The following NRK variants were observed in gnomAD, a reference collection of about 807,000 sequenced individuals.
NRK encodes nik-related protein kinase.
A neutral mutation model predicts 125.2 loss-of-function variants in NRK; 67 were observed. That is an observed-to-expected ratio of 0.54 (90% confidence interval 0.44 to 0.66). The LOEUF (loss-of-function observed/expected upper bound fraction) is 0.66. Ranked by LOEUF, NRK falls within the 30% of genes least tolerant of loss-of-function variation. The probability of loss-of-function intolerance (pLI) is 0.00; values close to 1 mark genes in which losing one functional copy is unlikely to be tolerated. For synonymous variants in NRK, 458 were observed against 429.0 expected (o/e 1.07, Z -0.84); for missense variants, 1,224 against 1,192.9 (o/e 1.03, Z -0.38).
intron 2 of NRK, among the ~76,000 whole-genome samples, chrX:105,836,593 A>G (rs1442391186): frequency 1.8e-5 from 2 of 112,205 alleles, no homozygotes; most frequent in Non-Finnish European, 3.8e-5. Flanking sequence ...ATAAACACTT[A>G]AAAATGTTTA....
chrX:105,875,302 TG>T (rs1420982519), intron 2 of NRK, among the ~76,000 whole-genome samples: 2 of 111,557 alleles, frequency 1.8e-5, no homozygotes, highest in Non-Finnish European at 3.8e-5. Flanking sequence ...ATGGTTTCCC[TG>T]CTCTCCATTC....
intron 19 of NRK, among the ~76,000 whole-genome samples, chrX:105,928,266 A>G (rs1248320426): frequency 1.8e-5 from 2 of 110,770 alleles, no homozygotes; most frequent in Non-Finnish European, 3.8e-5. Context: ...AGATTTTCTA[A>G]TATGTTGCTG....
Position 105,935,339 on chromosome X carries a change from G to C in NRK, c.3655+14G>C, listed in dbSNP as rs772253886. On this transcript the variant is annotated intron_variant, in intron 21 of 28. Transcript: ENST00000243300. Reference sequence around the variant, plus strand: ...GTTCTTTGTGGGGTGAGTTTGTTTTGTTTTCTTAAAGAATATATTTTTATG... The same window carrying C: ...GTTCTTTGTGGGGTGAGTTTGTTTTCTTTTCTTAAAGAATATATTTTTATG... 1.7e-5 allele frequency: 19 copies of C among 1,127,970 alleles called. No homozygotes were observed. The highest frequency in any genetic ancestry group is 7.5e-5 in the Admixed American group (3 of 40,090). 93.0% of individuals were successfully genotyped at this position (1,127,970 alleles called of 1,213,427 possible). A position where few individuals can be genotyped will look rare whatever the true frequency, so the allele number is the denominator to read the frequency against.
intron 13 of NRK, among the ~76,000 whole-genome samples, chrX:105,910,141 C>T (rs2040280182): frequency 9.0e-6 from 1 of 111,521 alleles, no homozygotes; most frequent in African/African-American, 3.3e-5. Flanking sequence ...ATTCTTTAAC[C>T]AATAAAGTGT....
chrX:105,830,944 G>A lies in NRK; in HGVS notation c.58-110G>A, dbSNP rs886875294. The A allele has an allele frequency of 4.6e-5, 22 of 482,564 alleles. 1 individual carries two copies. Among genetic ancestry groups the A allele is most frequent in the Non-Finnish European group, 4.9e-5 (14 of 287,368 alleles). 39.8% of individuals were successfully genotyped at this position (482,564 alleles called of 1,213,427 possible). A position where few individuals can be genotyped will look rare whatever the true frequency, so the allele number is the denominator to read the frequency against. On this transcript the variant is annotated intron_variant, in intron 1 of 28. Transcript: ENST00000243300. ...GTATACATATGTAACAAATCTGCAC[G>A]TTGTGCACATGTACCCTAGAACTTA...
chrX:105,840,891 A>C (rs1357647717), intron 2 of NRK, among the ~76,000 whole-genome samples: 4 of 109,832 alleles, frequency 3.6e-5, no homozygotes, highest in Non-Finnish European at 7.6e-5. Context: ...AGAGTTATAT[A>C]ATTATGGTCA....
chrX:105,880,811 G>A (rs1443665173), intron 3 of NRK, among the ~76,000 whole-genome samples: 16 of 111,450 alleles, frequency 1.4e-4, no homozygotes, highest in Admixed American at 1.2e-3. Context: ...ATAACATATT[G>A]GCATAGAATT....
intron 6 of NRK, chrX:105,895,136 C>T (rs1161248213): frequency 1.1e-5 from 5 of 464,853 alleles, no homozygotes; most frequent in East Asian, 7.4e-5. Context: ...GTTGGAAATA[C>T]GGAGGCTAAA....
intron 2 of NRK, among the ~76,000 whole-genome samples, 195 bp downstream of exon 2, chrX:105,831,314 G>A (rs1253045304): frequency 2.7e-5 from 3 of 111,834 alleles, no homozygotes; most frequent in Admixed American, 1.9e-4. Flanking sequence ...AATCTATAGT[G>A]TACCAACCAA....
chrX:105,905,149 T>G, intron 9 of NRK, 116 bp from the exon 10 acceptor site: 1 of 516,485 alleles, frequency 1.9e-6, no homozygotes, highest in South Asian at 3.0e-5. Flanking sequence ...TATTTGTCCC[T>G]TAGTGTCTAC....
At chrX:105,933,615 G>A (rs1218543749) in intron 19 of NRK, among the ~76,000 whole-genome samples, 2 of 112,117 alleles carry the variant, frequency 1.8e-5, no homozygotes, top group African/African-American at 6.5e-5. Flanking sequence ...GCATGTTTAC[G>A]CTCTTGGATT....
intron 2 of NRK, among the ~76,000 whole-genome samples, chrX:105,875,171 A>G (rs939129938): frequency 9.0e-6 from 1 of 111,673 alleles, no homozygotes; most frequent in African/African-American, 3.3e-5. Flanking sequence ...TATACATCTT[A>G]CAAACTATAA....
chrX:105,919,656 C>T (rs1011830771), intron 16 of NRK, among the ~76,000 whole-genome samples: 1 of 110,943 alleles, frequency 9.0e-6, no homozygotes, highest in Middle Eastern at 4.6e-3. Context: ...TTTATAGAAA[C>T]GGGTGTTATC....
Position 105,924,987 on chromosome X carries a change from GGATTGAAGAGACCT to G in NRK, c.3270_3283del (p.Leu1091ValfsTer5). The G allele has an allele frequency of 8.3e-7, 1 of 1,210,710 alleles. No homozygotes were observed. Among genetic ancestry groups the G allele is most frequent in the Non-Finnish European group, 1.1e-6 (1 of 894,593 alleles). On this transcript the variant is annotated frameshift_variant, in exon 19 of 29. Coordinates refer to ENST00000243300, the MANE Select transcript of NRK (RefSeq NM_198465.4). LOFTEE classifies it high-confidence loss of function. ...AAATTGCTCAGAGACAGATGGTCCA[GGATTGAAGAGACCT>G]GCGTCTCAGGACTTTGAATATCTAC... is the stretch of plus-strand genomic sequence containing the variant.
At position 105,955,654 on chromosome X, in the gene NRK, A is replaced by G; in HGVS notation, c.*54A>G. ...TAAACATCATGTATAGGCAGTCTGC[A>G]TCTTCAGATTTCAGAGATTAAATGA... is the stretch of plus-strand genomic sequence containing the variant. On this transcript the variant is annotated 3_prime_UTR_variant, in exon 29 of 29. Transcript: ENST00000243300. The G allele has an allele frequency of 1.7e-6, 1 of 599,826 alleles. No individual in the cohort carries two copies. Among genetic ancestry groups the G allele is most frequent in the African/African-American group, 2.2e-5 (1 of 45,120 alleles). 49.4% of individuals were successfully genotyped at this position (599,826 alleles called of 1,213,427 possible). A position where few individuals can be genotyped will look rare whatever the true frequency, so the allele number is the denominator to read the frequency against.
In NRK at chrX:105,834,463, G is replaced by A. The variant is rs73531075; in HGVS notation, c.123+3344G>A. 5.8e-3 allele frequency among the ~76,000 whole-genome samples: 640 copies of A among 110,507 alleles called. 5 individuals are homozygous for A. Among genetic ancestry groups the A allele is most frequent in the African/African-American group, 0.02 (616 of 30,374 alleles). On this transcript the variant is annotated intron_variant, in intron 2 of 28. Coordinates refer to ENST00000243300, the MANE Select transcript of NRK (RefSeq NM_198465.4). ...TGGAGGTGTGTGCGTGTGTGTGTGT[G>A]TGTGTGTGTTGAAAGGATATTTATC...
intron 19 of NRK, among the ~76,000 whole-genome samples, chrX:105,928,033 C>T (rs1175841284): frequency 9.0e-6 from 1 of 111,352 alleles, no homozygotes; most frequent in Non-Finnish European, 1.9e-5. Context: ...AATTCCCTTC[C>T]CTTCAACTTT....
intron 21 of NRK, among the ~76,000 whole-genome samples, chrX:105,935,812 T>C (rs375781206): frequency 2.1e-5 from 2 of 97,270 alleles, no homozygotes; most frequent in Admixed American, 1.1e-4. Context: ...TTTATTATAT[T>C]TTATATATAT....
Position 105,905,309 on chromosome X carries a change from C to T in NRK, c.811C>T (p.Arg271Trp), listed in dbSNP as rs748999857. 3.3e-6 allele frequency: 4 copies of T among 1,203,510 alleles called. No homozygotes were observed. Among genetic ancestry groups the T allele is most frequent in the Non-Finnish European group, 4.5e-6 (4 of 888,868 alleles). ...CTTGGAAGCTCTCTTCGTTATTTTG[C>T]GGGAATCTGCTCCCACAGTCAAATC... Reference protein sequence around the residue: ...QPLEALFVILRESAPTVKSSG... With the variant: ...QPLEALFVILWESAPTVKSSG... The change falls in exon 10 of 29, where the codon CGG becomes TGG. Residue 271 changes from arginine (R) to tryptophan (W), a missense_variant. Transcript: ENST00000243300.
Sources: gnomAD v4.1 joint callset for allele counts (sites outside exome capture counted in the v4.1 genomes callset) on GRCh38, gnomAD v4.1.1 for gene constraint, MANE v1.5 for transcripts, NCBI Gene and HGNC (gene_info 2026-07-23, HGNC 2026-07-21) for gene names.